Variants in SLC2A14 observed in about 807,000 individuals in gnomAD.
SLC2A14 encodes the protein solute carrier family 2, facilitated glucose transporter member 14.
A neutral mutation model predicts 43.0 loss-of-function variants in SLC2A14; 13 were observed. The ratio of observed to expected loss-of-function variants is 0.30; its 90% CI spans 0.20 to 0.48. SLC2A14 has a LOEUF of 0.48. Ranked by LOEUF, SLC2A14 falls within the 20% of genes least tolerant of loss-of-function variation. SLC2A14 has a pLI of 0.99. For synonymous variants in SLC2A14, 190 were observed against 233.8 expected, an observed-to-expected ratio of 0.81 and a Z score of 1.71; for missense variants, 428 against 620.4, an observed-to-expected ratio of 0.69 and a Z score of 3.29.
intron 2 of SLC2A14, chr12:7,850,613 C>G (rs1231048103): frequency 6.6e-6 from 1 of 152,208 alleles, no homozygotes; most frequent in Non-Finnish European, 1.5e-5. Context: ...CCAGGATGGT[C>G]TCGATCTTTT....
At chr12:7,873,284 G>A, upstream of SLC2A14, 5 of 985,604 alleles carry the variant, frequency 5.1e-6, 1 homozygote, top group Non-Finnish European at 6.0e-6. Context: ...CAGGGAGATA[G>A]TGCCCGGGCT....
intron 1 of SLC2A14, chr12:7,870,875 C>A: frequency 7.9e-7 from 1 of 1,273,434 alleles, no homozygotes; most frequent in Non-Finnish European, 1.0e-6. Flanking sequence ...GGACCAAAGC[C>A]AAGACCACCA....
At chr12:7,851,656 GT>G (rs1394693235) in intron 2 of SLC2A14, among the ~76,000 whole-genome samples, 1 of 152,152 alleles carries the variant, frequency 6.6e-6, no homozygotes, top group African/African-American at 2.4e-5. Context: ...ATTCTAAGTG[GT>G]TAACATAGAA....
In SLC2A14 at chr12:7,867,308, AAC is replaced by A. The variant is rs1491082133; in HGVS notation, c.18+2553_18+2554del. ...AAAAAAAAAAAAAAAAAACAAAAAA[AAC>A]ATTCGTGATTCATGGGAGGAGGTCA... On this transcript the variant is annotated intron_variant, in intron 2 of 10. Coordinates refer to ENST00000431042, the MANE Select transcript of SLC2A14 (RefSeq NM_001286234.2). Among the ~76,000 whole-genome samples, 66 of 130,028 alleles carry A rather than the reference AAC, an allele frequency of 5.1e-4. 1 individual carries two copies. Among genetic ancestry groups the A allele is most frequent in the African/African-American group, 1.6e-3 (58 of 35,902 alleles). The allele number at this position is 130,028 out of a possible 152,430, so 85.3% of individuals were successfully genotyped here.
chr12:7,835,204 T>G (rs1485805045), intron 2 of SLC2A14, among the ~76,000 whole-genome samples: 1 of 151,738 alleles, frequency 6.6e-6, no homozygotes, highest in East Asian at 1.9e-4. Flanking sequence ...CTGACCAGTA[T>G]GGTGAAAGCC....
intron 9 of SLC2A14, among the ~76,000 whole-genome samples, chr12:7,819,090 G>T (rs1168286709): frequency 6.6e-6 from 1 of 152,084 alleles, no homozygotes; most frequent in African/African-American, 2.4e-5. Flanking sequence ...GGAGGTGCAT[G>T]CCTGTAATCA....
chr12:7,850,031 T>TAAAAAAA (rs35416196), intron 2 of SLC2A14, among the ~76,000 whole-genome samples: 11 of 135,092 alleles, frequency 8.1e-5, no homozygotes, highest in Non-Finnish European at 1.8e-4. Context: ...AAGAAAGTGC[T>TAAAAAAA]AAAAAAAAAA....
intron 1 of SLC2A14, chr12:7,870,902 CA>C (rs1945188883): frequency 3.6e-6 from 5 of 1,387,118 alleles, no homozygotes; most frequent in Admixed American, 4.0e-5. Context: ...GACCACAGCA[CA>C]AGGGGCCACA....
Position 7,826,895 on chromosome 12 carries a change from T to TTC in SLC2A14, c.864+598_864+599dup, listed in dbSNP as rs1212054312. Among the ~76,000 whole-genome samples, 222 of 78,478 alleles carry TTC rather than the reference T, an allele frequency of 2.8e-3. 31 individuals carry two copies. Among genetic ancestry groups the TTC allele is most frequent in the Non-Finnish European group, 5.0e-3 (197 of 39,652 alleles). The allele number at this position is 78,478 out of a possible 152,430, so 51.5% of individuals were successfully genotyped here. ...TTTCTTTCTTTCTTTCTTTCTTTCTTTCTTTCTTTCTTTCTTTCTTTTTCC... is the reference window on the plus strand; with the variant it reads ...TTTCTTTCTTTCTTTCTTTCTTTCTTTCTCTTTCTTTCTTTCTTTCTTTTTCC... On this transcript the variant is annotated intron_variant, in intron 7 of 10. Transcript: ENST00000431042.
intron 7 of SLC2A14, among the ~76,000 whole-genome samples, chr12:7,826,905 CTT>C (rs1309202216): frequency 1.6e-5 from 1 of 63,928 alleles, no homozygotes; most frequent in African/African-American, 8.3e-5. Context: ...TTCTTTCTTT[CTT>C]TCTTTCTTTT....
intron 6 of SLC2A14, among the ~76,000 whole-genome samples, chr12:7,828,214 AT>A (rs1864666580): frequency 6.6e-6 from 1 of 152,052 alleles, no homozygotes. Flanking sequence ...ACACAAAAAC[AT>A]TAGCTGGCGT....
intron 8 of SLC2A14, among the ~76,000 whole-genome samples, chr12:7,820,479 C>T (rs918197345): frequency 6.6e-6 from 1 of 152,098 alleles, no homozygotes; most frequent in Non-Finnish European, 1.5e-5. Flanking sequence ...AGCTCTGATG[C>T]TATCTCCAGG....
upstream of SLC2A14, among the ~76,000 whole-genome samples, chr12:7,877,544 G>C (rs1433510364): frequency 6.6e-6 from 1 of 151,842 alleles, no homozygotes. Flanking sequence ...TCTTGTCTCA[G>C]CCTCTGGAGT....
chr12:7,855,650 T>G (rs1867302221), intron 2 of SLC2A14, among the ~76,000 whole-genome samples: 1 of 152,024 alleles, frequency 6.6e-6, no homozygotes, highest in Admixed American at 6.6e-5. Context: ...TTTCTTTGTT[T>G]TTGTTGAGAC....
At chr12:7,818,426 T>C (rs1592143231) in intron 9 of SLC2A14, among the ~76,000 whole-genome samples, 1 of 151,766 alleles carries the variant, frequency 6.6e-6, no homozygotes, top group South Asian at 2.1e-4. Flanking sequence ...TTTGGGAGGG[T>C]GAAGTGAGTG....
intron 2 of SLC2A14, among the ~76,000 whole-genome samples, chr12:7,841,959 T>C (rs1865987213): frequency 6.6e-6 from 1 of 151,470 alleles, no homozygotes; most frequent in South Asian, 2.1e-4. Flanking sequence ...GAGCCGAGAT[T>C]GCACCATTGC....
chr12:7,870,995 G>A (rs1945196365), intron 1 of SLC2A14: 1 of 1,438,210 alleles, frequency 7.0e-7, no homozygotes, highest in South Asian at 1.1e-5. Flanking sequence ...GAACCATGAT[G>A]GCTTCAATGA....
chr12:7,884,846 T>A (rs1427390705), intron 1 of SLC2A14, among the ~76,000 whole-genome samples: 1 of 152,088 alleles, frequency 6.6e-6, no homozygotes, highest in East Asian at 1.9e-4. Flanking sequence ...GAGTTAAAAA[T>A]AAATCCCTTT....
rs1863142807 is a variant in SLC2A14, at chr12:7,812,671, G to C, written c.*1645C>G. On this transcript the variant is annotated 3_prime_UTR_variant, in exon 11 of 11. Coordinates refer to ENST00000431042, the MANE Select transcript of SLC2A14 (RefSeq NM_001286234.2). ...GGAGCCAGAAGTTGACGTGAAGTTG[G>C]AAGGCCACCTTTCCAGCTAAACCCC... The C allele has an allele frequency of 6.6e-6, 1 of 152,150 alleles. No individual in the cohort carries two copies. Among genetic ancestry groups the C allele is most frequent in the South Asian group, 2.1e-4 (1 of 4,830 alleles). The allele number at this position is 152,150 out of a possible 1,614,324, so 9.4% of individuals were successfully genotyped here.
Sources: allele counts gnomAD v4.1 joint callset (sites outside exome capture counted in the v4.1 genomes callset), GRCh38; gene constraint gnomAD v4.1.1; transcripts MANE v1.5; gene names NCBI Gene and HGNC (gene_info 2026-07-23, HGNC 2026-07-21).